The following LPIN1 variants were observed in gnomAD, a reference collection of about 807,000 sequenced individuals.
LPIN1 encodes lipin 1.
LPIN1 carries 71 observed loss-of-function variants against 107.5 expected under a neutral mutation model. The observed-to-expected ratio is 0.66, with a 90% CI of 0.55 to 0.80. LPIN1 has a LOEUF of 0.80. LPIN1 is among the 30% of genes least tolerant of loss of function. The probability of loss-of-function intolerance (pLI) is 0.00; values close to 1 mark genes in which losing one functional copy is unlikely to be tolerated. For missense variants in LPIN1, 1,043 were observed against 1,160.6 expected, an observed-to-expected ratio of 0.90 and a Z score of 1.47; for synonymous variants, 445 against 452.6, an observed-to-expected ratio of 0.98 and a Z score of 0.21.
Position 11,824,881 on chromosome 2 carries a change from G to T in LPIN1, c.*90G>T. 1 of 1,454,196 alleles carries T rather than the reference G, an allele frequency of 6.9e-7. No homozygotes were observed. Among genetic ancestry groups the T allele is most frequent in the Non-Finnish European group, 9.6e-7 (1 of 1,043,472 alleles). The allele number at this position is 1,454,196 out of a possible 1,614,324, so 90.1% of individuals were successfully genotyped here. A position where few individuals can be genotyped will look rare whatever the true frequency, so the allele number is the denominator to read the frequency against. On this transcript the variant is annotated 3_prime_UTR_variant, in exon 21 of 21. Coordinates refer to ENST00000674199, the MANE Select transcript of LPIN1 (RefSeq NM_001349206.2). ...TCCCCGGAGTGCACAGCTCCACCTG[G>T]GAGCCTGGCGCGTCATCATTGGCCT...
At chr2:11,680,516 C>A (rs992880014) in intron 1 of LPIN1, among the ~76,000 whole-genome samples, 1 of 152,040 alleles carries the variant, frequency 6.6e-6, no homozygotes, top group Non-Finnish European at 1.5e-5. Flanking sequence ...CTGCAGCTGG[C>A]AAGCCACAGA....
intron 17 of LPIN1, among the ~76,000 whole-genome samples, chr2:11,813,859 C>T (rs765563090): frequency 3.3e-5 from 5 of 151,798 alleles, no homozygotes; most frequent in Non-Finnish European, 5.9e-5. Context: ...GGTTGCAGTG[C>T]GCCAAGATCA....
In LPIN1 at chr2:11,825,235, G is replaced by A. The variant is rs1682223070; in HGVS notation, c.*444G>A. 1 of 232,378 alleles carries A rather than the reference G, an allele frequency of 4.3e-6. No individual in the cohort carries two copies. Among genetic ancestry groups the A allele is most frequent in the Non-Finnish European group, 8.7e-6 (1 of 115,578 alleles). 14.4% of individuals were successfully genotyped at this position (232,378 alleles called of 1,614,324 possible). A position where few individuals can be genotyped will look rare whatever the true frequency, so the allele number is the denominator to read the frequency against. Reference sequence around the variant, plus strand: ...AAGTAGGGGGCACATTTCCATTATAGCAATGTTAGTGCCACCACCTTCTGA... The same window carrying A: ...AAGTAGGGGGCACATTTCCATTATAACAATGTTAGTGCCACCACCTTCTGA... On this transcript the variant is annotated 3_prime_UTR_variant, in exon 21 of 21. Coordinates refer to ENST00000674199, the MANE Select transcript of LPIN1 (RefSeq NM_001349206.2). This position sits in a 1 kb window ranked among gnomAD's most constrained non-coding sequence, Gnocchi z 4.1.
upstream of LPIN1, chr2:11,723,463 C>G (rs1664310737): frequency 6.6e-6 from 1 of 152,190 alleles, no homozygotes; most frequent in Non-Finnish European, 1.5e-5. Flanking sequence ...CGAGATCATC[C>G]TGGCTAACAT....
chr2:11,784,545 C>A (rs1321971891), intron 9 of LPIN1, among the ~76,000 whole-genome samples: 1 of 152,178 alleles, frequency 6.6e-6, no homozygotes, highest in African/African-American at 2.4e-5. Flanking sequence ...GGAGGGTCTC[C>A]CGTGATCCTG....
At chr2:11,768,703 G>A (rs968175886) in intron 3 of LPIN1, among the ~76,000 whole-genome samples, 3 of 152,122 alleles carry the variant, frequency 2.0e-5, no homozygotes, top group African/African-American at 7.2e-5. Context: ...TTGGGAGGTC[G>A]AGGTGGGCGG....
rs115915240 is a variant in LPIN1 at position 11,677,899 on chromosome 2, T to C, written c.81+171T>C. Among the ~76,000 whole-genome samples the C allele has an allele frequency of 0.013, 1,959 of 152,366 alleles. 36 individuals are homozygous for C. Among genetic ancestry groups the C allele is most frequent in the African/African-American group, 0.045 (1,877 of 41,582 alleles). On this transcript the variant is annotated intron_variant, in intron 1 of 21. Coordinates refer to the LPIN1 transcript ENST00000449576. ...CAGATAGGTGACCGGCCCCGCTTGC[T>C]CCTCACAGGCTCCTATTCAGAAGGC...
In LPIN1 at chr2:11,795,546, G is replaced by C. The variant is rs185031888; in HGVS notation, c.1886+59G>C. The C allele has an allele frequency of 7.8e-4, 1,135 of 1,448,242 alleles. 6 individuals carry two copies. The African/African-American group carries it at 0.014, about 18-fold the overall frequency. The allele number at this position is 1,448,242 out of a possible 1,614,324, so 89.7% of individuals were successfully genotyped here. A position where few individuals can be genotyped will look rare whatever the true frequency, so the allele number is the denominator to read the frequency against. On this transcript the variant is annotated intron_variant, in intron 14 of 20. Coordinates refer to ENST00000674199, the MANE Select transcript of LPIN1 (RefSeq NM_001349206.2). The stretch of plus-strand genomic sequence containing the variant: ...CCCTTTCCGCATCCAAGTTCATGGC[G>C]TGTGCTGCCTGGATGCAGATAGGGT...
chr2:11,749,696 C>T (rs1003113264), intron 1 of LPIN1, among the ~76,000 whole-genome samples: 3 of 152,192 alleles, frequency 2.0e-5, no homozygotes, highest in Non-Finnish European at 4.4e-5. Flanking sequence ...GTTCTGCACA[C>T]TGAGGGATGC....
chr2:11,726,898 C>T (rs956212851), intron 1 of LPIN1, among the ~76,000 whole-genome samples: 1 of 152,158 alleles, frequency 6.6e-6, no homozygotes, highest in African/African-American at 2.4e-5. Flanking sequence ...GTTAGAGGGT[C>T]CCCCAATTCA....
intron 1 of LPIN1, chr2:11,724,776 C>G (rs1008646843): frequency 4.6e-5 from 14 of 302,542 alleles, no homozygotes; most frequent in Non-Finnish European, 6.8e-5. Flanking sequence ...TTTGGGGAGA[C>G]TGGAGCTGTG....
chr2:11,744,105 A>G (rs16857843), upstream of LPIN1, among the ~76,000 whole-genome samples: 5,540 of 152,346 alleles, frequency 0.036, 335 homozygotes, highest in African/African-American at 0.13. Flanking sequence ...CTCTAGAATC[A>G]GGATGCTTGT....
chr2:11,805,257 G>T (rs1349723818), intron 17 of LPIN1, 101 bp downstream of exon 17: 2 of 943,678 alleles, frequency 2.1e-6, no homozygotes, highest in East Asian at 2.5e-5. Context: ...GTGACTTGCA[G>T]AGAGGGCTGC....
At chr2:11,783,125 C>T (rs1256432914) in intron 8 of LPIN1, among the ~76,000 whole-genome samples, 1 of 152,168 alleles carries the variant, frequency 6.6e-6, no homozygotes, top group African/African-American at 2.4e-5. Flanking sequence ...CTCCATCCAC[C>T]CAGCAGCTTC....
chr2:11,720,657 A>G (rs1438989674), upstream of LPIN1, among the ~76,000 whole-genome samples: 1 of 152,006 alleles, frequency 6.6e-6, no homozygotes, highest in African/African-American at 2.4e-5. Context: ...AAGAAATGGA[A>G]GCAATGCAGT....
At chr2:11,782,110 A>T in intron 7 of LPIN1, 91 bp from the exon 8 acceptor site, 1 of 983,080 alleles carries the variant, frequency 1.0e-6, no homozygotes, top group Non-Finnish European at 1.6e-6. Flanking sequence ...CCTACTTTTG[A>T]TTACTTGTTC....
chr2:11,803,024 C>G lies in LPIN1; in HGVS notation c.2004C>G (p.Ser668=). 1.9e-6 allele frequency: 3 copies of G among 1,612,478 alleles called. No individual in the cohort carries two copies. Among genetic ancestry groups the G allele is most frequent in the Non-Finnish European group, 2.5e-6 (3 of 1,180,038 alleles). ...ACAAGAAGACTCTCCGGCTGACTTC[C>G]GAGCAGCTTGTGAGTCTCCCATGCT... is the stretch of plus-strand genomic sequence containing the variant. The part of the protein sequence containing the change: ...VSYKKTLRLT[S]EQLKSLKLKN... The change falls in exon 15 of 21, where the codon TCC becomes TCG. Residue 668 remains serine (S), a synonymous_variant. Transcript: ENST00000674199. The surrounding 1 kb of genome is among the most constrained non-coding windows in gnomAD (Gnocchi z 4.2).
intron 1 of LPIN1, among the ~76,000 whole-genome samples, chr2:11,739,951 G>A (rs1468049433): frequency 2.0e-5 from 3 of 152,166 alleles, no homozygotes. Flanking sequence ...ATAAATGAGA[G>A]GGGATTTAAT....
intron 13 of LPIN1, 23 bp downstream of exon 13, chr2:11,792,029 T>C (rs1156984958): frequency 6.3e-7 from 1 of 1,599,042 alleles, no homozygotes; most frequent in Non-Finnish European, 8.6e-7. Context: ...GACAAAGCAG[T>C]GCTCACACTT....
Sources: gnomAD v4.1 joint callset for allele counts (sites outside exome capture counted in the v4.1 genomes callset) on GRCh38, gnomAD v4.1.1 for gene constraint, Gnocchi (gnomAD v3.1) non-coding constraint, MANE v1.5 for transcripts, NCBI Gene and HGNC (gene_info 2026-07-23, HGNC 2026-07-21) for gene names.